Variants in CACHD1 observed in about 807,000 individuals in gnomAD.
The protein encoded by CACHD1 is VWFA and cache domain-containing protein 1.
In CACHD1, 71 loss-of-function variants were observed where a neutral mutation model predicts 138.7. The ratio of observed to expected loss-of-function variants is 0.51; its 90% CI spans 0.42 to 0.62. CACHD1 has a LOEUF of 0.62. Among genes scored for constraint, CACHD1 ranks in the 20% least tolerant of loss-of-function variants. CACHD1 has a pLI of 0.00. For synonymous variants in CACHD1, 578 were observed against 591.5 expected, an observed-to-expected ratio of 0.98 and a Z score of 0.33; for missense variants, 1,389 against 1,625.3, an observed-to-expected ratio of 0.85 and a Z score of 2.50.
chr1:64,471,965 G>A (rs1038786054), intron 1 of CACHD1, among the ~76,000 whole-genome samples: 2 of 152,098 alleles, frequency 1.3e-5, no homozygotes, highest in African/African-American at 4.8e-5. Context: ...GACATTCCCA[G>A]CTTGAAACCT....
chr1:64,550,526 T>G, intron 1 of CACHD1, 68 bp from the exon 2 acceptor site: 1 of 1,089,866 alleles, frequency 9.2e-7, no homozygotes, highest in Non-Finnish European at 1.4e-6. Context: ...AACAAATTAT[T>G]CACATACACA....
At chr1:64,508,554 A>G (rs188054521) in intron 1 of CACHD1, among the ~76,000 whole-genome samples, 3 of 152,322 alleles carry the variant, frequency 2.0e-5, no homozygotes, top group Admixed American at 6.5e-5. Context: ...CCTACCTTAA[A>G]TGAAATGGAC....
chr1:64,644,581 G>A (rs972084865), intron 8 of CACHD1, among the ~76,000 whole-genome samples: 5 of 152,102 alleles, frequency 3.3e-5, no homozygotes, highest in East Asian at 1.9e-4. Flanking sequence ...CAGTAATTCC[G>A]TACTTTAGAG....
chr1:64,553,714 C>T (rs1646776660), intron 2 of CACHD1, among the ~76,000 whole-genome samples: 1 of 152,124 alleles, frequency 6.6e-6, no homozygotes, highest in South Asian at 2.1e-4. Flanking sequence ...AGAATATCTT[C>T]CTCTCTCCCT....
Position 64,623,401 on chromosome 1 carries a change from CA to C in CACHD1, c.518-5942del, listed in dbSNP as rs10645036. On this transcript the variant is annotated intron_variant, in intron 4 of 26. Transcript: ENST00000651257. ...TGAGCAACAGAGTGAGATTCTGCCT[CA>C]AAAAAAAAAAATGGCATTAGAAGAA... 3.8e-3 allele frequency among the ~76,000 whole-genome samples: 526 copies of C among 140,190 alleles called. 9 individuals are homozygous for C. Among genetic ancestry groups the C allele is most frequent in the Non-Finnish European group, 1.5e-3 (95 of 63,240 alleles). 92.0% of individuals were successfully genotyped at this position (140,190 alleles called of 152,430 possible).
intron 3 of CACHD1, among the ~76,000 whole-genome samples, chr1:64,599,468 G>T (rs1647192823): frequency 6.6e-6 from 1 of 152,088 alleles, no homozygotes; most frequent in South Asian, 2.1e-4. Flanking sequence ...AAAGGGTGGA[G>T]TGGACACTGG....
chr1:64,599,007 G>A (rs1300966711), intron 3 of CACHD1, among the ~76,000 whole-genome samples: 2 of 151,188 alleles, frequency 1.3e-5, no homozygotes, highest in Admixed American at 1.3e-4. Context: ...CCCCATGAAT[G>A]GCATTAGTGC....
intron 1 of CACHD1, among the ~76,000 whole-genome samples, chr1:64,550,370 A>T (rs1029911489): frequency 6.6e-6 from 1 of 152,214 alleles, no homozygotes; most frequent in African/African-American, 2.4e-5. Flanking sequence ...TGAAAAATAT[A>T]GTGTAACACC....
In CACHD1 at chr1:64,641,893, G is replaced by T. The variant is rs748358875; in HGVS notation, c.1080G>T (p.Ala360=). The change falls in exon 8 of 27, where the codon GCG becomes GCT. Residue 360 remains alanine (A), a synonymous_variant. Coordinates refer to ENST00000651257, the MANE Select transcript of CACHD1 (RefSeq NM_020925.4). ...SKDSSEEDKK[A]TLQVINEENS... ...ACTCTTCGGAAGAAGATAAAAAAGC[G>T]ACTCTCCAAGTCATCAATGAAGAAA... is the stretch of plus-strand genomic sequence containing the variant. The T allele has an allele frequency of 4.9e-5, 78 of 1,606,374 alleles. No homozygotes were observed. The highest frequency in any genetic ancestry group is 6.5e-5 in the Non-Finnish European group (77 of 1,176,994).
chr1:64,667,129 A>C (rs1649662083), intron 16 of CACHD1, among the ~76,000 whole-genome samples: 1 of 152,168 alleles, frequency 6.6e-6, no homozygotes, highest in Non-Finnish European at 1.5e-5. Flanking sequence ...GATGTCAGGG[A>C]AATGTTTGGT....
intron 4 of CACHD1, among the ~76,000 whole-genome samples, chr1:64,623,419 T>A (rs1167080991): frequency 6.7e-6 from 1 of 150,300 alleles, no homozygotes; most frequent in Non-Finnish European, 1.5e-5. Context: ...AAAAATGGCA[T>A]TAGAAGAAAA....
At chr1:64,489,029 T>C (rs1268594804) in intron 1 of CACHD1, among the ~76,000 whole-genome samples, 2 of 152,002 alleles carry the variant, frequency 1.3e-5, no homozygotes, top group Non-Finnish European at 2.9e-5. Flanking sequence ...TCATAAGCAA[T>C]GGTGGAGATT....
chr1:64,623,271 G>A (rs549523212), intron 4 of CACHD1, among the ~76,000 whole-genome samples: 276 of 152,000 alleles, frequency 1.8e-3, no homozygotes, highest in Non-Finnish European at 3.0e-3. Flanking sequence ...GCATGGTGAC[G>A]GGTACCTATA....
At chr1:64,528,469 CATT>C (rs1646557368) in intron 1 of CACHD1, among the ~76,000 whole-genome samples, 1 of 152,126 alleles carries the variant, frequency 6.6e-6, no homozygotes, top group South Asian at 2.1e-4. Flanking sequence ...ATGAAGATGA[CATT>C]ATATATTTGA....
At position 64,664,532 on chromosome 1, in the gene CACHD1, A is replaced by G. The variant is rs774783208; in HGVS notation, c.2129A>G (p.His710Arg). The change falls in exon 15 of 27, where the codon CAC becomes CGC. Residue 710 changes from histidine to arginine, a missense_variant. Physicochemically the swap from His to Arg is conservative, Grantham distance 29 (BLOSUM62 0). Transcript: ENST00000651257. Reference sequence around the variant, plus strand: ...AGAAATGAAGTAATGGCTACCAGCCACGTCACAGATGAATGGATGACACAA... The same window carrying G: ...AGAAATGAAGTAATGGCTACCAGCCGCGTCACAGATGAATGGATGACACAA... ...SVRNEVMATS[H>R]VTDEWMTQME... 6.2e-7 allele frequency: 1 copy of G among 1,614,232 alleles called. No homozygotes were observed. Among genetic ancestry groups the G allele is most frequent in the Non-Finnish European group, 8.5e-7 (1 of 1,180,032 alleles).
intron 1 of CACHD1, among the ~76,000 whole-genome samples, chr1:64,487,096 C>T (rs146613348): frequency 2.5e-4 from 38 of 152,104 alleles, no homozygotes; most frequent in South Asian, 1.2e-3. Context: ...GGAAGATGAG[C>T]GAGGATAGGA....
chr1:64,669,000 A>G (rs1471429869), intron 16 of CACHD1, among the ~76,000 whole-genome samples: 1 of 152,216 alleles, frequency 6.6e-6, no homozygotes, highest in Non-Finnish European at 1.5e-5. Context: ...TTGCATGACT[A>G]TAAACAAACT....
In CACHD1 at chr1:64,491,709, C is replaced by A. The variant is rs991071133; in HGVS notation, c.198+20767C>A. Among the ~76,000 whole-genome samples, 5 of 152,286 alleles carry A rather than the reference C, an allele frequency of 3.3e-5. No individual in the cohort carries two copies. In the South Asian group the frequency reaches 8.3e-4, roughly 25 times the overall value. Reference sequence around the variant, plus strand: ...TTGGCTCACTGCAGCCTTGACCTCTCATGCATAAGTGATCCTCCTGCCTCA... The same window carrying A: ...TTGGCTCACTGCAGCCTTGACCTCTAATGCATAAGTGATCCTCCTGCCTCA... On this transcript the variant is annotated intron_variant, in intron 1 of 26. Coordinates refer to ENST00000651257, the MANE Select transcript of CACHD1 (RefSeq NM_020925.4).
At chr1:64,643,659 A>G (rs1393306424) in intron 8 of CACHD1, among the ~76,000 whole-genome samples, 1 of 152,084 alleles carries the variant, frequency 6.6e-6, no homozygotes, top group Admixed American at 6.6e-5. Context: ...ACACGGTGAA[A>G]CCCCATCTCT....
Sources: allele counts gnomAD v4.1 joint callset (sites outside exome capture counted in the v4.1 genomes callset), GRCh38; gene constraint gnomAD v4.1.1; transcripts MANE v1.5; gene names NCBI Gene and HGNC (gene_info 2026-07-23, HGNC 2026-07-21).